SP140: variants seen among roughly 807,000 people sequenced by gnomAD.
The protein encoded by SP140 is SP140 nuclear body protein.
Under a neutral mutation model 125.0 loss-of-function variants are expected in SP140, and 81 were observed. The ratio of observed to expected loss-of-function variants is 0.65; its 90% CI spans 0.54 to 0.78. The LOEUF is 0.78. Ranked by LOEUF, SP140 falls within the 30% of genes least tolerant of loss-of-function variation. The pLI, the probability that SP140 is intolerant of heterozygous loss-of-function variation, is 0.00. For synonymous variants in SP140, 312 were observed against 354.0 expected, an observed-to-expected ratio of 0.88 and a Z score of 1.33; for missense variants, 858 against 1,037.0, an observed-to-expected ratio of 0.83 and a Z score of 2.37.
chr2:230,196,496 CA>C, the SP140 span, among the ~76,000 whole-genome samples: 542 of 151,700 alleles, frequency 3.6e-3, 2 homozygotes, highest in South Asian at 7.7e-3. Context: ...GTGGGGGAAG[CA>C]GATTAAATAG....
In SP140 at chr2:230,211,911, A is replaced by C. The variant is rs1194679044; in HGVS notation, c.-322-1743A>C. Among the ~76,000 whole-genome samples the C allele has an allele frequency of 6.6e-6, 1 of 152,218 alleles. No homozygotes were observed. Among genetic ancestry groups the C allele is most frequent in the Non-Finnish European group, 1.5e-5 (1 of 68,034 alleles). On this transcript the variant is annotated intron_variant, in intron 1 of 4. Transcript: ENST00000456542. The surrounding 1 kb of genome is among the most constrained non-coding windows in gnomAD (Gnocchi z 4.2). ...ATCATACCATTCTTACGTTTAATGT[A>C]ATCAAACTCCATTATGATGATGGTT... is the stretch of plus-strand genomic sequence containing the variant.
intron 18 of SP140, 45 bp from the exon 19 acceptor site, chr2:230,290,415 G>T (rs140928532): frequency 6.4e-7 from 1 of 1,559,142 alleles, no homozygotes; most frequent in East Asian, 2.3e-5. Context: ...GAGGGGGGAC[G>T]TGCCTTTGCA....
At chr2:230,268,467 G>T (rs981752352) in intron 12 of SP140, among the ~76,000 whole-genome samples, 1 of 151,630 alleles carries the variant, frequency 6.6e-6, no homozygotes, top group South Asian at 2.1e-4. Flanking sequence ...GGAGGTTGCA[G>T]TGAGCCGAGA....
downstream of SP140, among the ~76,000 whole-genome samples, chr2:230,316,348 C>T (rs1326052227): frequency 6.6e-6 from 1 of 152,260 alleles, no homozygotes; most frequent in Non-Finnish European, 1.5e-5. Context: ...CCTCCTACCA[C>T]GAAGAAACTC....
chr2:230,307,955 G>GTATATATATA (rs60233854), intron 22 of SP140, among the ~76,000 whole-genome samples: 996 of 48,282 alleles, frequency 0.021, 70 homozygotes, highest in Non-Finnish European at 0.033. Flanking sequence ...GGACATGCAT[G>GTATATATATA]TATATATATA....
chr2:230,303,542 A>T (rs1381293714), intron 22 of SP140, among the ~76,000 whole-genome samples: 1 of 152,214 alleles, frequency 6.6e-6, no homozygotes, highest in Non-Finnish European at 1.5e-5. Context: ...GAAAGAGGGC[A>T]TCCTCCCTAA....
chr2:230,294,858 C>T (rs1048962774), intron 21 of SP140, among the ~76,000 whole-genome samples: 2 of 152,104 alleles, frequency 1.3e-5, no homozygotes, highest in African/African-American at 4.8e-5. Flanking sequence ...TCTCTTTCAC[C>T]TTCCAAAAAA....
chr2:230,221,281 GA>G (rs113981247), upstream of SP140, among the ~76,000 whole-genome samples: 1,703 of 82,614 alleles, frequency 0.021, 21 homozygotes, highest in African/African-American at 0.056. Flanking sequence ...ACTCCATCTC[GA>G]AAAAAAAAAA....
chr2:230,196,349 C>T, the SP140 span, among the ~76,000 whole-genome samples: 31 of 151,840 alleles, frequency 2.0e-4, 1 homozygote, highest in East Asian at 5.6e-3. Flanking sequence ...TCATACGTAA[C>T]GTGCCATGCA....
intron 12 of SP140, among the ~76,000 whole-genome samples, chr2:230,268,503 C>T (rs767986593): frequency 7.0e-6 from 1 of 143,790 alleles, no homozygotes; most frequent in Non-Finnish European, 1.5e-5. Context: ...CCAGCCTGGG[C>T]GACAAGAGTG....
At chr2:230,257,770 GAA>G (rs1291744596) in intron 12 of SP140, among the ~76,000 whole-genome samples, 1 of 151,468 alleles carries the variant, frequency 6.6e-6, no homozygotes, top group African/African-American at 2.4e-5. Context: ...CATCTCAGAA[GAA>G]AAAAAGAAAA....
chr2:230,288,039 G>A, intron 18 of SP140, 73 bp downstream of exon 18: 1 of 1,239,144 alleles, frequency 8.1e-7, no homozygotes, highest in South Asian at 1.4e-5. Context: ...TGTACTTTCA[G>A]TAATAAACCC....
At chr2:230,270,839 A>G in intron 15 of SP140, 200 bp downstream of exon 15, 1 of 631,626 alleles carries the variant, frequency 1.6e-6, no homozygotes, top group Non-Finnish European at 3.0e-6. Context: ...GACTTTACAG[A>G]TACAATTAAG....
chr2:230,226,304 C>T (rs2046337958), intron 1 of SP140, among the ~76,000 whole-genome samples: 1 of 152,186 alleles, frequency 6.6e-6, no homozygotes, highest in African/African-American at 2.4e-5. Context: ...AAACGCCTGT[C>T]TGTTGTCACA....
intron 8 of SP140, 33 bp from the exon 9 acceptor site, chr2:230,248,850 CCT>C (rs766718619): frequency 1.7e-5 from 26 of 1,554,428 alleles, no homozygotes; most frequent in South Asian, 1.1e-4. Flanking sequence ...TCCAAGTCAC[CCT>C]CTGTGGTCTG....
rs2044657656 is a variant in SP140 at position 230,212,939 on chromosome 2, G to A, written c.-322-715G>A. On this transcript the variant is annotated intron_variant, in intron 1 of 4. Transcript: ENST00000456542. ...GTTGTGGTGGGGGCAGCGCCAGTGG[G>A]GTATGGAGGGAGCTTCCTTCTGCTA... 2 of 1,613,928 alleles carry A rather than the reference G, an allele frequency of 1.2e-6. No homozygotes were observed. Among genetic ancestry groups the A allele is most frequent in the African/African-American group, 2.7e-5 (2 of 74,872 alleles).
At chr2:230,291,836 T>C (rs1475582849) in intron 19 of SP140, among the ~76,000 whole-genome samples, 2 of 152,338 alleles carry the variant, frequency 1.3e-5, no homozygotes, top group African/African-American at 4.8e-5. Context: ...CACCAAAGTG[T>C]TTCCACAGTG....
At chr2:230,292,554 A>G in intron 19 of SP140, 92 bp from the exon 20 acceptor site, 1 of 1,524,394 alleles carries the variant, frequency 6.6e-7, no homozygotes, top group Non-Finnish European at 9.0e-7. Context: ...TGCATCACAA[A>G]TTGGGTGGCT....
upstream of SP140, chr2:230,202,560 A>T (rs2043290376): frequency 1.2e-6 from 2 of 1,613,526 alleles, no homozygotes; most frequent in Non-Finnish European, 1.7e-6. Flanking sequence ...CAAATGGCAG[A>T]TTCCATCATC....
Sources: allele counts gnomAD v4.1 joint callset (sites outside exome capture counted in the v4.1 genomes callset), GRCh38; gene constraint gnomAD v4.1.1; non-coding constraint Gnocchi (gnomAD v3.1); transcripts MANE v1.5; gene names NCBI Gene and HGNC (gene_info 2026-07-23, HGNC 2026-07-21).